The following MCM3 variants were observed in gnomAD, a reference collection of about 807,000 sequenced individuals.
MCM3 encodes minichromosome maintenance complex component 3, also known as DNA replication licensing factor MCM3.
In MCM3, 59 loss-of-function variants were observed where a neutral mutation model predicts 91.3. The observed-to-expected ratio is 0.65, with a 90% CI of 0.52 to 0.80. The LOEUF (loss-of-function observed/expected upper bound fraction) is 0.80. Among genes scored for constraint, MCM3 ranks in the 30% least tolerant of loss-of-function variants. The probability of loss-of-function intolerance (pLI) is 0.00; values close to 1 mark genes in which losing one functional copy is unlikely to be tolerated. For synonymous variants in MCM3, 383 were observed against 379.6 expected, an observed-to-expected ratio of 1.01 and a Z score of -0.10; for missense variants, 919 against 1,035.4, an observed-to-expected ratio of 0.89 and a Z score of 1.54.
At chr6:52,278,930 C>T (rs575591070) in intron 5 of MCM3, 80 bp from the exon 6 acceptor site, 79 of 974,044 alleles carry the variant, frequency 8.1e-5, no homozygotes, top group Admixed American at 2.4e-4. Flanking sequence ...CAGGAGTAAG[C>T]CTTTTTAGGC....
intron 5 of MCM3, among the ~76,000 whole-genome samples, chr6:52,279,078 G>C (rs1220200217): frequency 1.3e-5 from 2 of 152,176 alleles, no homozygotes; most frequent in Admixed American, 6.5e-5. Context: ...ACTTCAGACA[G>C]AACTGTGTAT....
chr6:52,281,814 C>T (rs1488639719), intron 4 of MCM3, among the ~76,000 whole-genome samples: 1 of 152,146 alleles, frequency 6.6e-6, no homozygotes, highest in Non-Finnish European at 1.5e-5. Flanking sequence ...CACTGCACTC[C>T]AACTTAGGCA....
intron 1 of MCM3, 85 bp from the exon 2 acceptor site, chr6:52,283,491 C>G (rs1766340642): frequency 3.3e-6 from 3 of 897,100 alleles, no homozygotes; most frequent in Non-Finnish European, 5.7e-6. Flanking sequence ...AGCCAGATAG[C>G]TAAGTCAATC....
rs772903988 is a variant in MCM3, at chr6:52,272,267, G to C, written c.1827+34C>G. On this transcript the variant is annotated intron_variant, in intron 12 of 16. Transcript: ENST00000596288. ...GACTCCTGCCCAGCCATATACCTAA[G>C]GGACCCCAAGCCTAGGCTCCCCCAG... The C allele has an allele frequency of 1.9e-6, 3 of 1,606,078 alleles. No individual in the cohort carries two copies. In the African/African-American group the frequency reaches 4.0e-5, roughly 21 times the overall value.
intron 3 of MCM3, 41 bp from the exon 4 acceptor site, chr6:52,282,216 G>C (rs763382691): frequency 1.2e-5 from 20 of 1,607,846 alleles, no homozygotes; most frequent in Non-Finnish European, 1.5e-5. Flanking sequence ...CACCCAACTA[G>C]ACGATGATAC....
intron 16 of MCM3, among the ~76,000 whole-genome samples, chr6:52,265,068 T>C (rs1233356950): frequency 6.6e-6 from 1 of 152,186 alleles, no homozygotes; most frequent in African/African-American, 2.4e-5. Flanking sequence ...TACTAAACCC[T>C]TAAAAGCGTA....
Position 52,266,629 on chromosome 6 carries a change from CTG to C in MCM3, c.2138_2139del (p.Thr713ArgfsTer28). On this transcript the variant is annotated frameshift_variant, in exon 15 of 17. Coordinates refer to ENST00000596288, the MANE Select transcript of MCM3 (RefSeq NM_002388.6). LOFTEE classifies it high-confidence loss of function. ...DSYDPYDFSD[T>X]EEEMPQVHTP... ...CACTCACCTTGAGGCATTTCCTCCT[CTG>C]TGTCACTGAAGTCATAGGGGTCGTA... 1 of 1,614,138 alleles carries C rather than the reference CTG, an allele frequency of 6.2e-7. No individual in the cohort carries two copies. The highest frequency in any genetic ancestry group is 8.5e-7 in the Non-Finnish European group (1 of 1,180,000).
At chr6:52,277,965 G>C (rs1476462074) in intron 6 of MCM3, among the ~76,000 whole-genome samples, 1 of 149,538 alleles carries the variant, frequency 6.7e-6, no homozygotes, top group Non-Finnish European at 1.5e-5. Flanking sequence ...CTACTTGGGA[G>C]GCTGAGGCAG....
rs41273730 is a variant in MCM3 at position 52,269,079 on chromosome 6, T to A, written c.1968+7A>T. 39 of 1,608,670 alleles carry A rather than the reference T, an allele frequency of 2.4e-5. No homozygotes were observed. The highest frequency in any genetic ancestry group is 3.3e-5 in the Non-Finnish European group (39 of 1,175,764). ...ATCCTCTCATGCCCAGGCATCTGAA[T>A]CCTCACCTTCTTAAAGTAAGCATAC... On this transcript the variant is annotated splice_region_variant and intron_variant, in intron 13 of 16. Coordinates refer to ENST00000596288, the MANE Select transcript of MCM3 (RefSeq NM_002388.6).
chr6:52,266,759 C>G, intron 14 of MCM3, 63 bp from the exon 15 acceptor site: 1 of 1,210,362 alleles, frequency 8.3e-7, no homozygotes, highest in Non-Finnish European at 1.2e-6. Context: ...AAGGAAGCCC[C>G]ATCACGTGCC....
chr6:52,283,240 A>T, intron 2 of MCM3, 54 bp downstream of exon 2: 1 of 1,459,324 alleles, frequency 6.9e-7, no homozygotes, highest in Non-Finnish European at 9.6e-7. Context: ...CAATCTGGCC[A>T]AGAGGGAAGG....
chr6:52,279,771 C>T (rs976031451), intron 4 of MCM3, among the ~76,000 whole-genome samples, 172 bp from the exon 5 acceptor site: 8 of 152,168 alleles, frequency 5.3e-5, no homozygotes, highest in African/African-American at 1.9e-4. Context: ...TAACAACCAT[C>T]GAATGGAAGG....
rs114054491 is a variant in MCM3, at chr6:52,278,980, G to A, written c.771-130C>T. On this transcript the variant is annotated intron_variant, in intron 5 of 16. Coordinates refer to ENST00000596288, the MANE Select transcript of MCM3 (RefSeq NM_002388.6). Reference sequence around the variant, plus strand: ...AGCCAATTAGAGTTGGTGGGGAGGGGGCAGGTAGCTATTGTGAATTAAACA... The same window carrying A: ...AGCCAATTAGAGTTGGTGGGGAGGGAGCAGGTAGCTATTGTGAATTAAACA... 1.6e-3 allele frequency: 988 copies of A among 604,668 alleles called. 11 individuals are homozygous for A. Among genetic ancestry groups the A allele is most frequent in the African/African-American group, 0.016 (861 of 54,182 alleles). The allele number at this position is 604,668 out of a possible 1,614,324, so 37.5% of individuals were successfully genotyped here.
At chr6:52,271,599 G>A (rs1002450173) in intron 12 of MCM3, among the ~76,000 whole-genome samples, 4 of 152,130 alleles carry the variant, frequency 2.6e-5, no homozygotes, top group African/African-American at 7.2e-5. Flanking sequence ...TTGAGATCGC[G>A]CCATTGCACT....
intron 9 of MCM3, 136 bp from the exon 10 acceptor site, chr6:52,274,052 G>T (rs1765362464): frequency 1.5e-6 from 1 of 646,986 alleles, no homozygotes; most frequent in Non-Finnish European, 2.6e-6. Context: ...GTGAAAAAGG[G>T]AAGTGTTTTA....
Position 52,283,363 on chromosome 6 carries a change from C to T in MCM3, c.122G>A (p.Ser41Asn), listed in dbSNP as rs1295485082. Residue 41 changes from serine (S) to asparagine (N), a missense_variant, in exon 2 of 17, where the codon AGT becomes AAT. Around this residue, in one of 3 missense-constraint regions of MCM3, gnomAD observed 401 missense variants for 402.7 expected, o/e 1.00. Transcript: ENST00000596288. Reference sequence around the variant, plus strand: ...GACAATCAGCCGGTATTGGTTGTCACTGATCAGCTCCCGAACTTTGCTCTG... The same window carrying T: ...GACAATCAGCCGGTATTGGTTGTCATTGATCAGCTCCCGAACTTTGCTCTG... The part of the protein sequence containing the change: ...IYQSKVRELI[S>N]DNQYRLIVNV... The T allele has an allele frequency of 1.9e-6, 3 of 1,614,232 alleles. No homozygotes were observed. Among genetic ancestry groups the T allele is most frequent in the Non-Finnish European group, 2.5e-6 (3 of 1,180,038 alleles).
rs1403629055 is a variant in MCM3 at position 52,278,749 on chromosome 6, C to A, written c.872G>T (p.Arg291Leu). The A allele has an allele frequency of 1.9e-6, 3 of 1,610,552 alleles. No individual in the cohort carries two copies. The highest frequency in any genetic ancestry group is 1.7e-6 in the Non-Finnish European group (2 of 1,177,596). ...TCTAAAGGATGCCCAGACCTTGGATCGGGTTTTACTGAACTTCTTGATCTT... is the reference window on the plus strand; with the variant it reads ...TCTAAAGGATGCCCAGACCTTGGATAGGGTTTTACTGAACTTCTTGATCTT... ...IAKIKKFSKTRSKDIFDQLAK... is the reference protein window; with the variant it reads ...IAKIKKFSKTLSKDIFDQLAK... The change falls in exon 6 of 17, where the codon CGA becomes CTA. Residue 291 changes from arginine to leucine, a missense_variant. This residue lies in a region of MCM3 where 401 missense variants were observed against 402.7 expected (regional missense o/e 1.00). Coordinates refer to ENST00000596288, the MANE Select transcript of MCM3 (RefSeq NM_002388.6).
Position 52,273,333 on chromosome 6 carries a change from C to A in MCM3, c.1573G>T (p.Asp525Tyr). 1 of 1,614,148 alleles carries A rather than the reference C, an allele frequency of 6.2e-7. No homozygotes were observed. The highest frequency in any genetic ancestry group is 8.5e-7 in the Non-Finnish European group (1 of 1,180,030). Residue 525 changes from aspartate (D) to tyrosine (Y), a missense_variant, in exon 11 of 17, where the codon GAT (aspartate) becomes TAT (tyrosine). Coordinates refer to ENST00000596288, the MANE Select transcript of MCM3 (RefSeq NM_002388.6). ...GDAMPLGSAV[D>Y]ILATDDPNFS... The stretch of plus-strand genomic sequence containing the variant: ...TTGGGATCATCTGTGGCCAGGATAT[C>A]CACAGCACTACCCAAGGGCATAGCT...
chr6:52,282,793 A>G lies in MCM3; in HGVS notation c.260T>C (p.Ile87Thr), dbSNP rs752763585. The G allele has an allele frequency of 6.2e-6, 10 of 1,614,022 alleles. No homozygotes were observed. The highest frequency in any genetic ancestry group is 2.2e-5 in the East Asian group (1 of 44,892). Residue 87 changes from isoleucine (I) to threonine (T), a missense_variant, in exon 3 of 17, where the codon ATT becomes ACT. Around this residue, in one of 3 missense-constraint regions of MCM3, gnomAD observed 401 missense variants for 402.7 expected, o/e 1.00. Coordinates refer to ENST00000596288, the MANE Select transcript of MCM3 (RefSeq NM_002388.6). ...ATACTGCTTGGCATAGGTAGCATCA[A>G]TGGAGGCCACAAAATCCTTTAAGGC... The part of the protein sequence containing the change: ...QRALKDFVAS[I>T]DATYAKQYEE...
Sources: allele counts gnomAD v4.1 joint callset (sites outside exome capture counted in the v4.1 genomes callset), GRCh38; gene constraint gnomAD v4.1.1; regional missense constraint gnomAD v4.1.1; transcripts MANE v1.5; gene names NCBI Gene and HGNC (gene_info 2026-07-23, HGNC 2026-07-21).